Variants in KAZN observed in about 807,000 individuals in gnomAD.
KAZN encodes kazrin, periplakin interacting protein, also known as kazrin.
A neutral mutation model predicts 87.4 loss-of-function variants in KAZN; 40 were observed. The observed-to-expected ratio is 0.46, with a 90% CI of 0.36 to 0.60. The LOEUF (loss-of-function observed/expected upper bound fraction) is 0.60, where lower values mean the gene tolerates loss of function less well. KAZN is among the 20% of genes least tolerant of loss of function. The pLI, the probability that KAZN is intolerant of heterozygous loss-of-function variation, is 0.00. For missense variants in KAZN, 898 were observed against 1,073.9 expected (o/e 0.84, Z 2.29); for synonymous variants, 466 against 458.3 (o/e 1.02, Z -0.22).
At chr1:14,757,610 T>G (rs1483665174) in intron 1 of KAZN, among the ~76,000 whole-genome samples, 1 of 152,216 alleles carries the variant, frequency 6.6e-6, no homozygotes, top group African/African-American at 2.4e-5. Flanking sequence ...CTGTTGGTAC[T>G]TTTATGATAT....
In KAZN at chr1:14,820,055, C is replaced by T. The variant is rs978585023; in HGVS notation, c.227-140629C>T. The stretch of plus-strand genomic sequence containing the variant: ...ATATATAGTCCACCCTCACCTCTAT[C>T]TAATCTAGTGGTTCTCCAACTTTAA... On this transcript the variant is annotated intron_variant, in intron 1 of 14. Coordinates refer to ENST00000376030, the MANE Select transcript of KAZN (RefSeq NM_201628.3). The surrounding 1 kb of genome is among the most constrained non-coding windows in gnomAD (Gnocchi z 4.1). Among the ~76,000 whole-genome samples, 5 of 152,132 alleles carry T rather than the reference C, an allele frequency of 3.3e-5. No individual in the cohort carries two copies. The highest frequency in any genetic ancestry group is 7.3e-5 in the Non-Finnish European group (5 of 68,038).
intron 1 of KAZN, among the ~76,000 whole-genome samples, chr1:14,892,377 TCTTTTTCCCTCTCTCTCTC>T (rs984708668): frequency 6.6e-6 from 1 of 152,090 alleles, no homozygotes; most frequent in Non-Finnish European, 1.5e-5. Flanking sequence ...CATCTCTCTC[TCTTTTTCCCTCTCTCTCTC>T]CTTTTTCCCC....
intron 1 of KAZN, among the ~76,000 whole-genome samples, chr1:14,614,957 G>T (rs369078159): frequency 8.5e-5 from 13 of 152,228 alleles, no homozygotes; most frequent in East Asian, 5.8e-4. Flanking sequence ...TGGTTTCCTC[G>T]TAGGGATAAT....
At chr1:14,358,113 T>C (rs967532592) in intron 2 of KAZN, among the ~76,000 whole-genome samples, 1 of 152,192 alleles carries the variant, frequency 6.6e-6, no homozygotes, top group African/African-American at 2.4e-5. Flanking sequence ...TATTGGTCTA[T>C]TCAGGGATTC....
At chr1:14,541,910 C>T (rs904647303) in intron 2 of KAZN, among the ~76,000 whole-genome samples, 10 of 152,198 alleles carry the variant, frequency 6.6e-5, no homozygotes, top group Admixed American at 3.3e-4. Flanking sequence ...CCAGTGGAAA[C>T]GTCCACTTAC....
intron 2 of KAZN, among the ~76,000 whole-genome samples, chr1:14,284,091 G>A (rs1473326915): frequency 6.6e-6 from 1 of 151,938 alleles, no homozygotes; most frequent in African/African-American, 2.4e-5. Context: ...TAACTGCCTA[G>A]GGTGGGGATG....
At chr1:14,215,746 G>T (rs895869152) in intron 2 of KAZN, among the ~76,000 whole-genome samples, 6 of 152,136 alleles carry the variant, frequency 3.9e-5, no homozygotes, top group African/African-American at 1.4e-4. Context: ...ATTGGTGAGG[G>T]TGGATTTGAA....
At chr1:14,092,390 C>A (rs908389643) in intron 1 of KAZN, among the ~76,000 whole-genome samples, 7 of 150,000 alleles carry the variant, frequency 4.7e-5, no homozygotes, top group Non-Finnish European at 1.5e-5. Context: ...CGTGCCCGGC[C>A]TATTATTTTC....
chr1:13,993,800 G>T (rs762917617), intron 1 of KAZN, among the ~76,000 whole-genome samples: 6 of 152,136 alleles, frequency 3.9e-5, no homozygotes, highest in Non-Finnish European at 8.8e-5. Flanking sequence ...GTGGGCATGG[G>T]GCCACCTCAG....
At chr1:14,040,109 G>C (rs4662083) in intron 1 of KAZN, among the ~76,000 whole-genome samples, 83,058 of 131,256 alleles carry the variant, frequency 0.63, 23,143 homozygotes, top group Admixed American at 0.74. Flanking sequence ...GAGAGACAGA[G>C]AGAGAGAGGT....
At chr1:14,055,134 G>A (rs1331995306) in intron 1 of KAZN, among the ~76,000 whole-genome samples, 4 of 152,240 alleles carry the variant, frequency 2.6e-5, no homozygotes, top group Admixed American at 6.5e-5. Context: ...ATCGGTCTAG[G>A]ATTGACTGTG....
At chr1:14,597,091 G>A (rs1020760566), upstream of KAZN, among the ~76,000 whole-genome samples, 2 of 152,158 alleles carry the variant, frequency 1.3e-5, no homozygotes, top group South Asian at 2.1e-4. Flanking sequence ...TCCCCATAAC[G>A]TAACTGAAAG....
intron 2 of KAZN, among the ~76,000 whole-genome samples, chr1:14,242,014 C>A (rs1417528219): frequency 3.3e-5 from 5 of 152,128 alleles, no homozygotes; most frequent in Non-Finnish European, 2.9e-5. Flanking sequence ...AAAGCATTTG[C>A]CTAATTGGAC....
At chr1:14,419,057 T>C (rs1365204953) in intron 2 of KAZN, among the ~76,000 whole-genome samples, 1 of 152,164 alleles carries the variant, frequency 6.6e-6, no homozygotes, top group African/African-American at 2.4e-5. Context: ...TGCTATATAT[T>C]TTTATTCCTA....
At chr1:14,059,563 C>A (rs1642707748) in intron 1 of KAZN, among the ~76,000 whole-genome samples, 1 of 152,210 alleles carries the variant, frequency 6.6e-6, no homozygotes, top group Non-Finnish European at 1.5e-5. Context: ...TTTCTTCTCC[C>A]AGTCCACGGA....
chr1:14,998,799 C>G (rs1469371867), intron 2 of KAZN, among the ~76,000 whole-genome samples: 1 of 152,174 alleles, frequency 6.6e-6, no homozygotes, highest in Admixed American at 6.5e-5. Context: ...ACCTGCCCAC[C>G]TCGACCTCCC....
rs1262094911 is a variant in KAZN, at chr1:14,960,878, G to A, written c.418+3G>A. The A allele has an allele frequency of 3.8e-6, 6 of 1,598,128 alleles. No individual in the cohort carries two copies. The highest frequency in any genetic ancestry group is 5.1e-6 in the Non-Finnish European group (6 of 1,170,316). ...CAGAGCCAAAGAAGCCTTGCAGGGT[G>A]AGTGACGAGTCAGCAGCAGTTCCTT... On this transcript the variant is annotated splice_donor_region_variant and intron_variant, in intron 2 of 14. Transcript: ENST00000376030.
At chr1:14,382,400 G>C (rs1383844226) in intron 2 of KAZN, among the ~76,000 whole-genome samples, 2 of 148,286 alleles carry the variant, frequency 1.3e-5, no homozygotes, top group Non-Finnish European at 3.0e-5. Context: ...CATGTACCAT[G>C]CTGGTGCGCT....
At position 13,914,601 on chromosome 1, in the gene KAZN, A is replaced by G. The variant is rs538244822; in HGVS notation, c.91+20845A>G. ...ATTACTCCTTCTTAGCTGACCATGG[A>G]GAGATTTTCCTGCTGGCTTTGAAAA... On this transcript the variant is annotated intron_variant, in intron 1 of 16. Transcript: ENST00000636203. 1.4e-3 allele frequency among the ~76,000 whole-genome samples: 217 copies of G among 152,230 alleles called. 2 individuals are homozygous for G. Among genetic ancestry groups the G allele is most frequent in the Non-Finnish European group, 2.4e-3 (163 of 68,022 alleles).
Sources: gnomAD v4.1 joint callset for allele counts (sites outside exome capture counted in the v4.1 genomes callset) on GRCh38, gnomAD v4.1.1 for gene constraint, Gnocchi (gnomAD v3.1) non-coding constraint, MANE v1.5 for transcripts, NCBI Gene and HGNC (gene_info 2026-07-23, HGNC 2026-07-21) for gene names.